BRF1: variants seen among roughly 807,000 people sequenced by gnomAD.
BRF1 encodes the protein BRF1 general transcription factor IIIB subunit.
Under a neutral mutation model 81.7 loss-of-function variants are expected in BRF1, and 59 were observed. That is an observed-to-expected ratio of 0.72 (90% CI 0.59 to 0.90). The LOEUF (loss-of-function observed/expected upper bound fraction) is 0.90, where lower values mean the gene tolerates loss of function less well. Ranked by LOEUF, BRF1 falls within the 40% of genes least tolerant of loss-of-function variation. The probability of loss-of-function intolerance (pLI) is 0.00; values close to 1 mark genes in which losing one functional copy is unlikely to be tolerated. For synonymous variants in BRF1, 491 were observed against 395.6 expected (o/e 1.24, Z -2.86); for missense variants, 1,050 against 936.3 (o/e 1.12, Z -1.58).
At chr14:105,211,363 C>A (rs1014582615) in intron 16 of BRF1, 70 bp from the exon 17 acceptor site, 2 of 1,383,602 alleles carry the variant, frequency 1.4e-6, no homozygotes, top group African/African-American at 1.5e-5. Flanking sequence ...CCCCTCAGAC[C>A]CACCAGGGCT....
intron 1 of BRF1, among the ~76,000 whole-genome samples, chr14:105,289,010 T>C (rs1595473492): frequency 7.3e-6 from 1 of 137,412 alleles, no homozygotes; most frequent in Non-Finnish European, 1.5e-5. Flanking sequence ...CACTCCAGCC[T>C]GGGTGACAGA....
rs1429962476 is a variant in BRF1 at position 105,241,340 on chromosome 14, C to T, written c.619G>A (p.Ala207Thr). 1.9e-6 allele frequency: 3 copies of T among 1,612,784 alleles called. No homozygotes were observed. The highest frequency in any genetic ancestry group is 2.5e-6 in the Non-Finnish European group (3 of 1,179,928). ...TTCATCCTCTGTAGGAGCCTCAGGG[C>T]AGTCATGGACACCTCGTGGTTCTTC... The part of the protein sequence containing the change: ...GEKNHEVSMT[A>T]LRLLQRMKRD... The change falls in exon 6 of 18, where the codon GCC (alanine) becomes ACC (threonine). Residue 207 changes from alanine to threonine, a missense_variant. Transcript: ENST00000547530.
At chr14:105,261,378 T>C (rs2056144064) in intron 3 of BRF1, among the ~76,000 whole-genome samples, 1 of 152,206 alleles carries the variant, frequency 6.6e-6, no homozygotes, top group Non-Finnish European at 1.5e-5. Context: ...ACCCCACTGC[T>C]GTGCCATCAA....
chr14:105,274,909 A>G (rs1245049969), intron 2 of BRF1, among the ~76,000 whole-genome samples: 3 of 152,220 alleles, frequency 2.0e-5, no homozygotes, highest in Admixed American at 2.0e-4. Context: ...CCCAGAGGAC[A>G]TGTGTGGTGG....
In BRF1 at chr14:105,246,904, G is replaced by A. The variant is rs143507406; in HGVS notation, c.545-5490C>T. Reference sequence around the variant, plus strand: ...GCAATTCTATCCTGGCACCCCCGGAGACAGCTGTCGCCCAGGTCTTGTGTG... The same window carrying A: ...GCAATTCTATCCTGGCACCCCCGGAAACAGCTGTCGCCCAGGTCTTGTGTG... On this transcript the variant is annotated intron_variant, in intron 5 of 17. Coordinates refer to ENST00000547530, the MANE Select transcript of BRF1 (RefSeq NM_001519.4). The A allele has an allele frequency of 1.2e-3, 1,156 of 985,496 alleles. 1 individual carries two copies. Among genetic ancestry groups the A allele is most frequent in the Non-Finnish European group, 1.2e-3 (1,028 of 829,946 alleles). The allele number at this position is 985,496 out of a possible 1,614,324, so 61.0% of individuals were successfully genotyped here. A position where few individuals can be genotyped will look rare whatever the true frequency, so the allele number is the denominator to read the frequency against.
chr14:105,274,757 C>T (rs997175588), intron 2 of BRF1, among the ~76,000 whole-genome samples: 2 of 152,198 alleles, frequency 1.3e-5, no homozygotes. Flanking sequence ...CCTGGGCCAA[C>T]CTCACTGCCC....
Position 105,209,454 on chromosome 14 carries a change from G to A in BRF1, c.*1097C>T, listed in dbSNP as rs1274630361. 1.4e-6 allele frequency: 1 copy of A among 698,398 alleles called. No individual in the cohort carries two copies. The highest frequency in any genetic ancestry group is 2.6e-6 in the Non-Finnish European group (1 of 383,474). 43.3% of individuals were successfully genotyped at this position (698,398 alleles called of 1,614,324 possible). On this transcript the variant is annotated 3_prime_UTR_variant, in exon 18 of 18. Transcript: ENST00000547530. ...GCAGGACATACAGCCCATTCCATGG[G>A]GAGGATGAGGCCCCTGGGGGTCAGT...
chr14:105,248,982 C>T lies in BRF1; in HGVS notation c.544+3525G>A, dbSNP rs1474209163. The T allele has an allele frequency of 1.0e-5, 10 of 986,364 alleles. No individual in the cohort carries two copies. The highest frequency in any genetic ancestry group is 1.2e-5 in the Non-Finnish European group (10 of 831,566). The allele number at this position is 986,364 out of a possible 1,614,324, so 61.1% of individuals were successfully genotyped here. ...CGGGCCGCGCAGCCCGCCCAGCGCC[C>T]CCGCGCCAGCGCCGCCGCCGCCCGC... On this transcript the variant is annotated intron_variant, in intron 5 of 17. Coordinates refer to ENST00000547530, the MANE Select transcript of BRF1 (RefSeq NM_001519.4).
chr14:105,249,370 C>G, intron 5 of BRF1: 2 of 1,610,990 alleles, frequency 1.2e-6, no homozygotes, highest in Non-Finnish European at 1.7e-6. Context: ...TACGTCTTGG[C>G]TGTCGGCAGC....
chr14:105,249,279 G>T (rs755526976), intron 5 of BRF1: 11 of 1,552,976 alleles, frequency 7.1e-6, no homozygotes, highest in Non-Finnish European at 7.8e-6. Context: ...CGGAACGCGT[G>T]CCCCGTCCGC....
intron 6 of BRF1, among the ~76,000 whole-genome samples, chr14:105,229,658 C>T (rs1304366646): frequency 4.8e-4 from 72 of 150,648 alleles, no homozygotes; most frequent in South Asian, 6.3e-4. Context: ...GACAGCCTGG[C>T]AGCCCCGTGG....
chr14:105,301,507 G>C (rs1269234581), upstream of BRF1, among the ~76,000 whole-genome samples: 1 of 152,048 alleles, frequency 6.6e-6, no homozygotes, highest in Non-Finnish European at 1.5e-5. Flanking sequence ...TCTGGGAGTG[G>C]TGGGCGGGGC....
At chr14:105,291,614 G>A (rs1485820831) in intron 1 of BRF1, among the ~76,000 whole-genome samples, 1 of 152,124 alleles carries the variant, frequency 6.6e-6, no homozygotes, top group Non-Finnish European at 1.5e-5. Flanking sequence ...CCCAGGAGAT[G>A]GAGGTTGCAG....
intron 5 of BRF1, among the ~76,000 whole-genome samples, chr14:105,242,887 G>C (rs977172632): frequency 6.6e-6 from 1 of 152,098 alleles, no homozygotes; most frequent in African/African-American, 2.4e-5. Flanking sequence ...AGATTAGGGC[G>C]GGTGGATGAC....
At chr14:105,314,305 T>A (rs957419894) in intron 1 of BRF1, 1 of 138,132 alleles carries the variant, frequency 7.2e-6, no homozygotes, top group Non-Finnish European at 1.6e-5. Context: ...CATGGCGGGG[T>A]GGAGGCGGGA....
chr14:105,257,191 A>G (rs900041758), intron 3 of BRF1, among the ~76,000 whole-genome samples: 4 of 152,212 alleles, frequency 2.6e-5, no homozygotes, highest in South Asian at 4.1e-4. Flanking sequence ...ACATGGATAC[A>G]TAAGTTATCA....
chr14:105,283,842 A>G (rs1050619510), intron 2 of BRF1, among the ~76,000 whole-genome samples: 1 of 152,228 alleles, frequency 6.6e-6, no homozygotes, highest in African/African-American at 2.4e-5. Flanking sequence ...AAAAAAGGAG[A>G]TAGCCTAGTG....
At chr14:105,227,730 C>G (rs935352254) in intron 7 of BRF1, 7 of 152,234 alleles carry the variant, frequency 4.6e-5, no homozygotes, top group Non-Finnish European at 5.9e-5. Context: ...AGCCATGGGG[C>G]TCAGTTCTTA....
In BRF1 at chr14:105,250,867, A is replaced by G. The variant is rs1360820844; in HGVS notation, c.544+1640T>C. 1.7e-5 allele frequency: 11 copies of G among 636,676 alleles called. No homozygotes were observed. The East Asian group carries it at 2.3e-4, about 13-fold the overall frequency. 39.4% of individuals were successfully genotyped at this position (636,676 alleles called of 1,614,324 possible). On this transcript the variant is annotated intron_variant, in intron 5 of 17. Transcript: ENST00000547530. ...TTGGAGTCTTAGGCATCTCTGGTAC[A>G]GTGGGGTGCACGTCTCAGGTGGAGG...
Sources: allele counts gnomAD v4.1 joint callset (sites outside exome capture counted in the v4.1 genomes callset), GRCh38; gene constraint gnomAD v4.1.1; transcripts MANE v1.5; gene names NCBI Gene and HGNC (gene_info 2026-07-23, HGNC 2026-07-21).